The following TMIGD1 variants were observed in gnomAD, a reference collection of about 807,000 sequenced individuals.
The protein encoded by TMIGD1 is transmembrane and immunoglobulin domain containing 1.
TMIGD1 carries 29 observed loss-of-function variants against 27.5 expected under a neutral mutation model. The ratio of observed to expected loss-of-function variants is 1.05; its 90% CI spans 0.78 to 1.44. The LOEUF (loss-of-function observed/expected upper bound fraction) is 1.44, where lower values mean the gene tolerates loss of function less well. Ranked by LOEUF, TMIGD1 falls within the 40% of genes most tolerant of loss-of-function variation. The pLI, the probability that TMIGD1 is intolerant of heterozygous loss-of-function variation, is 0.00. For synonymous variants in TMIGD1, 109 were observed against 110.3 expected (o/e 0.99, Z 0.07); for missense variants, 334 against 310.6 (o/e 1.08, Z -0.57).
rs1280954426 is a variant in TMIGD1, at chr17:30,333,513, A to C, written c.-26+487T>G. On this transcript the variant is annotated intron_variant, in intron 1 of 6. Coordinates refer to ENST00000328886, the MANE Select transcript of TMIGD1 (RefSeq NM_206832.3). ...TCTTTTCCAGTCCCTGGCCACTGGG[A>C]GTTCTCTCCCCTTAACACCAGTATT... 2.0e-5 allele frequency among the ~76,000 whole-genome samples: 3 copies of C among 152,036 alleles called. No individual in the cohort carries two copies. In the East Asian group the frequency reaches 5.8e-4, roughly 29 times the overall value.
chr17:30,327,466 G>T (rs1027279321), intron 3 of TMIGD1, among the ~76,000 whole-genome samples: 1 of 152,050 alleles, frequency 6.6e-6, no homozygotes, highest in Non-Finnish European at 1.5e-5. Flanking sequence ...TAGGTTAGAA[G>T]CTTGGGAATT....
intron 5 of TMIGD1, among the ~76,000 whole-genome samples, chr17:30,317,685 G>A (rs1909460908): frequency 6.6e-6 from 1 of 151,854 alleles, no homozygotes; most frequent in Non-Finnish European, 1.5e-5. Flanking sequence ...GTGTGAACCT[G>A]GGAGGTGGAG....
intron 5 of TMIGD1, 91 bp from the exon 6 acceptor site, chr17:30,317,324 G>T: frequency 7.1e-7 from 1 of 1,412,886 alleles, no homozygotes; most frequent in Non-Finnish European, 1.0e-6. Context: ...GGACAGGTGT[G>T]TGTCCTGTGC....
chr17:30,324,832 A>G lies in TMIGD1; in HGVS notation c.624T>C (p.Phe208=). The G allele has an allele frequency of 1.9e-6, 3 of 1,614,050 alleles. No individual in the cohort carries two copies. Among genetic ancestry groups the G allele is most frequent in the Non-Finnish European group, 2.5e-6 (3 of 1,179,896 alleles). Residue 208 remains phenylalanine (F), a synonymous_variant, in exon 4 of 7, where the codon TTT becomes TTC. Transcript: ENST00000328886. ...KSSLKTESLD[F]HLIVKDKTVG... is the part of the protein sequence containing the mutation. Reference sequence around the variant, plus strand: ...GAGCATTACCTTTAACAATCAGGTGAAAGTCCAAGCTCTCCGTTTTCAGAG... The same window carrying G: ...GAGCATTACCTTTAACAATCAGGTGGAAGTCCAAGCTCTCCGTTTTCAGAG...
chr17:30,331,076 T>A (rs1909961726), intron 2 of TMIGD1, among the ~76,000 whole-genome samples: 1 of 151,986 alleles, frequency 6.6e-6, no homozygotes, highest in Non-Finnish European at 1.5e-5. Flanking sequence ...GCTCCTGTAA[T>A]CCCAGCTACT....
chr17:30,316,525 C>T lies in TMIGD1; in HGVS notation c.*162G>A. 1 of 644,782 alleles carries T rather than the reference C, an allele frequency of 1.6e-6. No homozygotes were observed. The highest frequency in any genetic ancestry group is 2.6e-6 in the Non-Finnish European group (1 of 382,378). 39.9% of individuals were successfully genotyped at this position (644,782 alleles called of 1,614,324 possible). A position where few individuals can be genotyped will look rare whatever the true frequency, so the allele number is the denominator to read the frequency against. Reference sequence around the variant, plus strand: ...AATAGCTCTTTCCATAAAAATGTTCCACAAGTGTATCAAATTAGTCCTAAC... The same window carrying T: ...AATAGCTCTTTCCATAAAAATGTTCTACAAGTGTATCAAATTAGTCCTAAC... On this transcript the variant is annotated 3_prime_UTR_variant, in exon 7 of 7. Transcript: ENST00000328886.
chr17:30,319,963 G>A (rs1909562997), intron 4 of TMIGD1, among the ~76,000 whole-genome samples: 1 of 152,108 alleles, frequency 6.6e-6, no homozygotes, highest in Admixed American at 6.5e-5. Context: ...GGACTAGGAA[G>A]AGATCAGCAG....
rs1342779526 is a variant in TMIGD1, at chr17:30,316,886, A to T, written c.786-196T>A. The T allele has an allele frequency of 7.7e-6, 5 of 650,370 alleles. No individual in the cohort carries two copies. The African/African-American group carries it at 9.1e-5, about 12-fold the overall frequency. The allele number at this position is 650,370 out of a possible 1,614,324, so 40.3% of individuals were successfully genotyped here. ...AATGTGGTTCCTGGCCTTGTTGTAA[A>T]GCAGTATGGACCAGTGACTTCCTCC... is the stretch of plus-strand genomic sequence containing the variant. On this transcript the variant is annotated intron_variant, in intron 6 of 6. Transcript: ENST00000328886.
intron 2 of TMIGD1, 82 bp downstream of exon 2, chr17:30,331,970 T>C (rs1909992722): frequency 2.3e-6 from 2 of 856,524 alleles, no homozygotes. Flanking sequence ...AATTTAAGGA[T>C]ATATCCAATG....
intron 4 of TMIGD1, among the ~76,000 whole-genome samples, chr17:30,319,261 A>AAAAAAAAAAAAAAT: frequency 1.4e-5 from 1 of 69,068 alleles, no homozygotes; most frequent in Non-Finnish European, 2.6e-5. Flanking sequence ...AAAAAAAAAA[A>AAAAAAAAAAAAAAT]ATATATATAT....
chr17:30,332,792 T>C (rs900072545), intron 1 of TMIGD1, among the ~76,000 whole-genome samples: 1 of 152,162 alleles, frequency 6.6e-6, no homozygotes, highest in African/African-American at 2.4e-5. Context: ...CTCCCTAAGA[T>C]ATTCTCCATT....
Position 30,317,138 on chromosome 17 carries a change from C to T in TMIGD1, c.785+55G>A, listed in dbSNP as rs1909439311. Reference sequence around the variant, plus strand: ...GGAGTTTGTCTAGAGTGATGCATATCACTGCTATTCATCTGCTTATTTAAA... The same window carrying T: ...GGAGTTTGTCTAGAGTGATGCATATTACTGCTATTCATCTGCTTATTTAAA... On this transcript the variant is annotated intron_variant, in intron 6 of 6. Coordinates refer to ENST00000328886, the MANE Select transcript of TMIGD1 (RefSeq NM_206832.3). 2.5e-6 allele frequency: 4 copies of T among 1,579,308 alleles called. No individual in the cohort carries two copies. In the African/African-American group the frequency reaches 4.0e-5, roughly 16 times the overall value.
chr17:30,318,357 A>G (rs1909489109), intron 5 of TMIGD1, among the ~76,000 whole-genome samples: 1 of 152,178 alleles, frequency 6.6e-6, no homozygotes, highest in East Asian at 1.9e-4. Flanking sequence ...ACCAACGAGG[A>G]TAACCACTTT....
Position 30,316,552 on chromosome 17 carries a change from A to T in TMIGD1, c.*135T>A. 1.2e-6 allele frequency: 1 copy of T among 832,466 alleles called. No individual in the cohort carries two copies. Among genetic ancestry groups the T allele is most frequent in the Non-Finnish European group, 1.9e-6 (1 of 522,822 alleles). The allele number at this position is 832,466 out of a possible 1,614,324, so 51.6% of individuals were successfully genotyped here. A position where few individuals can be genotyped will look rare whatever the true frequency, so the allele number is the denominator to read the frequency against. ...CAAGTGTATCAAATTAGTCCTAACA[A>T]CTACTGTTAAGTGATTAATGAAACA... On this transcript the variant is annotated 3_prime_UTR_variant, in exon 7 of 7. Coordinates refer to ENST00000328886, the MANE Select transcript of TMIGD1 (RefSeq NM_206832.3).
At chr17:30,319,010 T>C in intron 4 of TMIGD1, 97 bp from the exon 5 acceptor site, 2 of 831,898 alleles carry the variant, frequency 2.4e-6, no homozygotes, top group Non-Finnish European at 4.1e-6. Flanking sequence ...TGTCATCCCC[T>C]TAATTAAACC....
intron 3 of TMIGD1, among the ~76,000 whole-genome samples, 192 bp from the exon 4 acceptor site, chr17:30,325,286 T>C (rs2143160091): frequency 6.6e-6 from 1 of 152,284 alleles, no homozygotes; most frequent in Non-Finnish European, 1.5e-5. Context: ...TCATAGAACT[T>C]TTAATGTGAT....
intron 2 of TMIGD1, among the ~76,000 whole-genome samples, chr17:30,331,199 AAGC>A (rs1909965404): frequency 6.6e-6 from 1 of 152,214 alleles, no homozygotes; most frequent in Non-Finnish European, 1.5e-5. Context: ...CTTCTCAAAA[AAGC>A]AAAAAACTTA....
Position 30,324,907 on chromosome 17 carries a change from G to C in TMIGD1, c.549C>G (p.Thr183=), listed in dbSNP as rs745950419. Residue 183 remains threonine, a synonymous_variant, in exon 4 of 7, where the codon ACC becomes ACG. Transcript: ENST00000328886. ...QTSESFQLSI[T]KVEKPDNGTY... is the part of the protein sequence containing the mutation. ...TTCCGTTGTCAGGCTTCTCGACTTT[G>C]GTGATTGACAGCTGAAAAGACTCAC... 1 of 1,614,136 alleles carries C rather than the reference G, an allele frequency of 6.2e-7. No individual in the cohort carries two copies. Among genetic ancestry groups the C allele is most frequent in the Admixed American group, 1.7e-5 (1 of 60,016 alleles).
chr17:30,332,275 C>A, intron 1 of TMIGD1, 117 bp from the exon 2 acceptor site: 1 of 583,282 alleles, frequency 1.7e-6, no homozygotes, highest in Non-Finnish European at 3.0e-6. Context: ...CCAGCTATAA[C>A]GGTACTACTT....
Sources: gnomAD v4.1 joint callset for allele counts (sites outside exome capture counted in the v4.1 genomes callset) on GRCh38, gnomAD v4.1.1 for gene constraint, MANE v1.5 for transcripts, NCBI Gene and HGNC (gene_info 2026-07-23, HGNC 2026-07-21) for gene names.